Variants in PRKACB observed in about 807,000 individuals in gnomAD.
PRKACB encodes cAMP-dependent protein kinase catalytic subunit beta.
A neutral mutation model predicts 51.4 loss-of-function variants in PRKACB; 16 were observed. The observed-to-expected ratio is 0.31, with a 90% CI of 0.21 to 0.47. The LOEUF is 0.47. Ranked by LOEUF, PRKACB falls within the 20% of genes least tolerant of loss-of-function variation. PRKACB has a pLI of 1.00. For synonymous variants in PRKACB, 147 were observed against 154.4 expected (o/e 0.95, Z 0.35); for missense variants, 309 against 464.5 (o/e 0.67, Z 3.08).
intron 1 of PRKACB, among the ~76,000 whole-genome samples, chr1:84,110,380 A>G (rs1650126959): frequency 6.6e-6 from 1 of 150,938 alleles, no homozygotes. Context: ...ATATATATAT[A>G]TGTAAGTATA....
At chr1:84,210,418 C>A (rs1201707704) in intron 8 of PRKACB, among the ~76,000 whole-genome samples, 12 of 152,148 alleles carry the variant, frequency 7.9e-5, no homozygotes, top group Non-Finnish European at 1.5e-5. Flanking sequence ...TTTTCAATAT[C>A]TGACTCTTTA....
chr1:84,216,637 G>C (rs542919015), intron 9 of PRKACB, among the ~76,000 whole-genome samples: 35 of 151,952 alleles, frequency 2.3e-4, no homozygotes, highest in Admixed American at 4.6e-4. Context: ...ATGCAATACT[G>C]TATAATTAAT....
At chr1:84,174,389 C>G (rs763850665) in intron 1 of PRKACB, among the ~76,000 whole-genome samples, 1 of 151,858 alleles carries the variant, frequency 6.6e-6, no homozygotes, top group African/African-American at 2.4e-5. Flanking sequence ...ATTTCCCCCT[C>G]CCAGCTCTCA....
At chr1:84,212,198 A>G (rs967680246) in intron 8 of PRKACB, among the ~76,000 whole-genome samples, 2 of 152,148 alleles carry the variant, frequency 1.3e-5, no homozygotes, top group Non-Finnish European at 2.9e-5. Flanking sequence ...GCTTTTATGT[A>G]CATATGAATC....
chr1:84,174,562 T>C (rs1278452166), intron 1 of PRKACB, among the ~76,000 whole-genome samples: 3 of 151,866 alleles, frequency 2.0e-5, no homozygotes, highest in Non-Finnish European at 2.9e-5. Flanking sequence ...TAAATACTGT[T>C]GAAAAGATTG....
At chr1:84,183,819 C>G (rs926455019) in intron 3 of PRKACB, among the ~76,000 whole-genome samples, 23 of 151,774 alleles carry the variant, frequency 1.5e-4, no homozygotes, top group African/African-American at 5.1e-4. Flanking sequence ...TTTAAATCCT[C>G]TATTAGGTTT....
intron 1 of PRKACB, among the ~76,000 whole-genome samples, chr1:84,158,073 CT>C (rs35694160): frequency 0.44 from 65,130 of 147,800 alleles, 15,542 homozygotes; most frequent in Non-Finnish European, 0.56. Context: ...GTCTTTCTTT[CT>C]TTTTTTTTTT....
intron 1 of PRKACB, among the ~76,000 whole-genome samples, chr1:84,124,058 G>A (rs1354131896): frequency 6.6e-6 from 1 of 152,074 alleles, no homozygotes; most frequent in African/African-American, 2.4e-5. Flanking sequence ...GATACCTAAA[G>A]CTATCTCATA....
At chr1:84,206,650 T>A (rs903787603) in intron 8 of PRKACB, among the ~76,000 whole-genome samples, 3 of 152,058 alleles carry the variant, frequency 2.0e-5, no homozygotes, top group Admixed American at 6.6e-5. Context: ...TCATTGGGGG[T>A]TGGTCACATA....
intron 9 of PRKACB, among the ~76,000 whole-genome samples, chr1:84,230,147 A>G (rs1401800162): frequency 1.3e-5 from 2 of 152,048 alleles, no homozygotes; most frequent in Non-Finnish European, 2.9e-5. Context: ...AGCTTTCCAC[A>G]TATGGCTAGC....
At chr1:84,127,976 T>C (rs898969065) in intron 1 of PRKACB, among the ~76,000 whole-genome samples, 1 of 151,296 alleles carries the variant, frequency 6.6e-6, no homozygotes, top group Non-Finnish European at 1.5e-5. Flanking sequence ...CAGTCTATTC[T>C]TTGTTAGAAT....
chr1:84,211,596 T>A (rs1371592117), intron 8 of PRKACB, among the ~76,000 whole-genome samples: 1 of 152,200 alleles, frequency 6.6e-6, no homozygotes, highest in Non-Finnish European at 1.5e-5. Context: ...TTCCTGATAA[T>A]GACTATTTTT....
rs1676689365 is a variant in PRKACB, at chr1:84,236,664, C to G, written c.*1359C>G. The G allele has an allele frequency of 6.6e-6, 1 of 152,242 alleles. No individual in the cohort carries two copies. The highest frequency in any genetic ancestry group is 6.6e-5 in the Admixed American group (1 of 15,264). The allele number at this position is 152,242 out of a possible 1,614,324, so 9.4% of individuals were successfully genotyped here. ...GTTTTTTTCCTACACTTTTTTTTGC[C>G]AACTGACTTAACAACATTGCTGTCA... On this transcript the variant is annotated 3_prime_UTR_variant, in exon 10 of 10. Coordinates refer to ENST00000370685, the MANE Select transcript of PRKACB (RefSeq NM_182948.4).
chr1:84,207,932 A>G (rs1468213691), intron 8 of PRKACB, among the ~76,000 whole-genome samples: 1 of 152,172 alleles, frequency 6.6e-6, no homozygotes, highest in Non-Finnish European at 1.5e-5. Context: ...CAGTGGCACA[A>G]TCTTGGCCCG....
chr1:84,214,239 T>TCTA lies in PRKACB; in HGVS notation c.994_996dup (p.Leu332dup), dbSNP rs1252075962. The TCTA allele has an allele frequency of 6.2e-7, 1 of 1,613,708 alleles. No homozygotes were observed. Among genetic ancestry groups the TCTA allele is most frequent in the Non-Finnish European group, 8.5e-7 (1 of 1,179,826 alleles). On this transcript the variant is annotated inframe_insertion, in exon 9 of 10. Transcript: ENST00000370685. Reference sequence around the variant, plus strand: ...TGGATTTGACCAAGAGATTTGGAAATCTAAAGAATGGTGTCAGTGATATAA... The same window carrying TCTA: ...TGGATTTGACCAAGAGATTTGGAAATCTACTAAAGAATGGTGTCAGTGATATAA...
chr1:84,129,227 A>C (rs1182323054), intron 1 of PRKACB, among the ~76,000 whole-genome samples: 2 of 152,122 alleles, frequency 1.3e-5, no homozygotes, highest in Non-Finnish European at 1.5e-5. Flanking sequence ...CACAATTATA[A>C]ACTTTTTTAG....
At chr1:84,154,848 T>C (rs1247735539) in intron 1 of PRKACB, among the ~76,000 whole-genome samples, 1 of 152,110 alleles carries the variant, frequency 6.6e-6, no homozygotes, top group African/African-American at 2.4e-5. Context: ...TCTTTTATGA[T>C]GGAAACTTTT....
chr1:84,180,172 A>G (rs1662792542), intron 2 of PRKACB, among the ~76,000 whole-genome samples: 2 of 133,422 alleles, frequency 1.5e-5, no homozygotes, highest in African/African-American at 2.8e-5. Flanking sequence ...ACGAATGGAT[A>G]AAGAAACTGT....
intron 1 of PRKACB, among the ~76,000 whole-genome samples, chr1:84,106,683 A>G (rs1034316935): frequency 6.6e-6 from 1 of 152,188 alleles, no homozygotes; most frequent in Non-Finnish European, 1.5e-5. Flanking sequence ...TACTGCCTAA[A>G]GCAATTTACA....
Sources: gnomAD v4.1 joint callset for allele counts (sites outside exome capture counted in the v4.1 genomes callset) on GRCh38, gnomAD v4.1.1 for gene constraint, MANE v1.5 for transcripts, NCBI Gene and HGNC (gene_info 2026-07-23, HGNC 2026-07-21) for gene names.